RBM26: variants seen among roughly 807,000 people sequenced by gnomAD.
The protein encoded by RBM26 is RNA binding motif protein 26, also known as RNA-binding protein 26.
In RBM26, 30 loss-of-function variants were observed where a neutral mutation model predicts 123.6. The observed-to-expected ratio is 0.24, with a 90% confidence interval of 0.18 to 0.33. RBM26 has a LOEUF of 0.33. Among genes scored for constraint, RBM26 ranks in the 10% least tolerant of loss-of-function variants. RBM26 has a pLI of 1.00. For synonymous variants in RBM26, 400 were observed against 404.4 expected (o/e 0.99, Z 0.13); for missense variants, 947 against 1,203.6 (o/e 0.79, Z 3.15).
chr13:79,378,765 G>C (rs759068474), intron 2 of RBM26, 24 bp downstream of exon 2: 2 of 1,388,626 alleles, frequency 1.4e-6, no homozygotes, highest in Non-Finnish European at 2.0e-6. Flanking sequence ...AAATATAGTA[G>C]TATTTTTAAA....
At position 79,405,821 on chromosome 13, in the gene RBM26, G is replaced by C. The variant is rs769463576; in HGVS notation, c.-47C>G. 5.4e-6 allele frequency: 7 copies of C among 1,300,746 alleles called. No homozygotes were observed. In the Admixed American group the frequency reaches 6.5e-5, roughly 12 times the overall value. 80.6% of individuals were successfully genotyped at this position (1,300,746 alleles called of 1,614,324 possible). ...TCACACTCCTCCGCCCGCCCAGGTC[G>C]CGGCCGCTACAGCCGCCGCTGCCCC... On this transcript the variant is annotated 5_prime_UTR_variant, in exon 1 of 22. Coordinates refer to ENST00000438737, the MANE Select transcript of RBM26 (RefSeq NM_001366735.2).
rs768511717 is a variant in RBM26 at position 79,344,303 on chromosome 13, T to C, written c.2204A>G (p.Gln735Arg). The C allele has an allele frequency of 8.1e-6, 13 of 1,608,948 alleles. No individual in the cohort carries two copies. Among genetic ancestry groups the C allele is most frequent in the Non-Finnish European group, 1.1e-5 (13 of 1,175,682 alleles). Residue 735 changes from glutamine to arginine, a missense_variant, in exon 16 of 22, where the codon CAG (glutamine) becomes CGG (arginine). Gln to Arg is a conservative substitution (Grantham distance 43). This residue lies in a region of RBM26 where 493 missense variants were observed against 563.1 expected (regional missense o/e 0.88). Coordinates refer to ENST00000438737, the MANE Select transcript of RBM26 (RefSeq NM_001366735.2). Reference protein sequence around the residue: ...KKKQEALKLQQDVRKRKQEIL... With the variant: ...KKKQEALKLQRDVRKRKQEIL... ...TTCTTGTTTCCTTTTCCTTACATCCTGCTGAAGTTTCAATGCCTCCTAGAA... is the reference window on the plus strand; with the variant it reads ...TTCTTGTTTCCTTTTCCTTACATCCCGCTGAAGTTTCAATGCCTCCTAGAA...
chr13:79,401,412 T>C (rs2079043163), intron 1 of RBM26, among the ~76,000 whole-genome samples: 1 of 152,198 alleles, frequency 6.6e-6, no homozygotes, highest in African/African-American at 2.4e-5. Context: ...ATTAAGAATA[T>C]GCACACAGCT....
chr13:79,331,727 A>G (rs1442689310), intron 20 of RBM26, among the ~76,000 whole-genome samples: 1 of 152,152 alleles, frequency 6.6e-6, no homozygotes, highest in East Asian at 1.9e-4. Flanking sequence ...AATTATTCCT[A>G]TTCTGAACAG....
At chr13:79,377,286 A>G (rs1415663604) in intron 3 of RBM26, 93 bp downstream of exon 3, 1 of 1,042,900 alleles carries the variant, frequency 9.6e-7, no homozygotes, top group African/African-American at 1.6e-5. Context: ...GGTCCTGAGG[A>G]CTCCAACACA....
chr13:79,322,547 T>A (rs541163418), intron 20 of RBM26, 85 bp from the exon 21 acceptor site: 1 of 824,764 alleles, frequency 1.2e-6, no homozygotes, highest in East Asian at 3.1e-5. Context: ...ACATTAAAAT[T>A]AAAATAGCTA....
Position 79,405,016 on chromosome 13 carries a change from A to G in RBM26, c.71+688T>C, listed in dbSNP as rs933486864. Among the ~76,000 whole-genome samples, 4 of 152,194 alleles carry G rather than the reference A, an allele frequency of 2.6e-5. No individual in the cohort carries two copies. The East Asian group carries it at 7.7e-4, about 29-fold the overall frequency. ...ATATTTTGTATTAACAAGTCGTCAA[A>G]ACACTCCTTAAATTTTCCAATCTAA... On this transcript the variant is annotated intron_variant, in intron 1 of 21. Coordinates refer to ENST00000438737, the MANE Select transcript of RBM26 (RefSeq NM_001366735.2).
intron 11 of RBM26, among the ~76,000 whole-genome samples, chr13:79,356,689 A>C (rs1295988173): frequency 4.6e-5 from 7 of 152,316 alleles, no homozygotes; most frequent in African/African-American, 1.7e-4. Context: ...CACTATGTTT[A>C]ATTAGCATGA....
chr13:79,329,754 T>C (rs934434716), intron 20 of RBM26, among the ~76,000 whole-genome samples: 2 of 152,132 alleles, frequency 1.3e-5, no homozygotes, highest in Non-Finnish European at 2.9e-5. Context: ...GATCCTTATT[T>C]TTAAAAAGTA....
At chr13:79,339,092 TA>T (rs1303649393) in intron 18 of RBM26, among the ~76,000 whole-genome samples, 1 of 152,196 alleles carries the variant, frequency 6.6e-6, no homozygotes, top group Non-Finnish European at 1.5e-5. Flanking sequence ...TCAAGACAGT[TA>T]ATCTTAGCAT....
At chr13:79,317,000 TA>T (rs1307346782), downstream of RBM26, among the ~76,000 whole-genome samples, 1 of 151,352 alleles carries the variant, frequency 6.6e-6, no homozygotes, top group Non-Finnish European at 1.5e-5. Context: ...TAAAAAAGAG[TA>T]AACTGAGATG....
At chr13:79,314,591 A>C, downstream of RBM26, 1 of 152,120 alleles carries the variant, frequency 6.6e-6, no homozygotes, top group Non-Finnish European at 1.5e-5. Flanking sequence ...TTTTTAATTC[A>C]TTTTCATTTT....
In RBM26 at chr13:79,337,249, T is replaced by C. The variant is rs749845479; in HGVS notation, c.2586A>G (p.Arg862=). 1.2e-6 allele frequency: 2 copies of C among 1,614,114 alleles called. No homozygotes were observed. Among genetic ancestry groups the C allele is most frequent in the East Asian group, 2.2e-5 (1 of 44,872 alleles). The change falls in exon 19 of 22, where the codon AGA becomes AGG. Residue 862 remains arginine, a synonymous_variant. Transcript: ENST00000438737. ...SSGRGRGIHS[R]GRGAVHGRGR... ...CTCGGCCATGAACTGCACCTCGACC[T>C]CTTGAATGAATTCCTCTGCCCCGAC...
rs773427496 is a variant in RBM26, at chr13:79,342,776, T to C, written c.2315A>G (p.Glu772Gly). Residue 772 changes from glutamate (E) to glycine (G), a missense_variant, in exon 17 of 22, where the codon GAA (glutamate) becomes GGA (glycine). Glu to Gly is a moderately conservative substitution (Grantham distance 98). Transcript: ENST00000438737. ...CAAAACCTCTAAAGTTTTCATTATT[T>C]CTGCTTTATCTTCAGACTTCATTGT... ...NKTMKSEDKAEIMKTLEVLTK... is the reference protein window; with the variant it reads ...NKTMKSEDKAGIMKTLEVLTK... 2.5e-5 allele frequency: 41 copies of C among 1,609,440 alleles called. No homozygotes were observed.
At chr13:79,400,728 A>G (rs778567692) in intron 1 of RBM26, among the ~76,000 whole-genome samples, 5 of 152,216 alleles carry the variant, frequency 3.3e-5, no homozygotes, top group Non-Finnish European at 5.9e-5. Context: ...CAAGTAAGTT[A>G]AAAAGGTGGC....
chr13:79,331,055 G>A (rs1220531303), intron 20 of RBM26, among the ~76,000 whole-genome samples: 2 of 114,274 alleles, frequency 1.8e-5, no homozygotes, highest in Non-Finnish European at 3.9e-5. Context: ...CTGTCGCCCA[G>A]GCTGAAGCAC....
At chr13:79,369,226 C>T (rs1163530351) in intron 5 of RBM26, among the ~76,000 whole-genome samples, 1 of 151,978 alleles carries the variant, frequency 6.6e-6, no homozygotes, top group Non-Finnish European at 1.5e-5. Context: ...AATGTTTTTC[C>T]TTAGAGTTTT....
At chr13:79,316,721 G>C (rs545784832), downstream of RBM26, among the ~76,000 whole-genome samples, 1 of 151,910 alleles carries the variant, frequency 6.6e-6, no homozygotes, top group Admixed American at 6.6e-5. Context: ...TGCTTAAGTA[G>C]AGACACAAAA....
intron 14 of RBM26, among the ~76,000 whole-genome samples, chr13:79,352,050 T>C (rs1249791322): frequency 6.6e-6 from 1 of 152,144 alleles, no homozygotes; most frequent in Non-Finnish European, 1.5e-5. Context: ...ATATAGGAAA[T>C]AATGAATTCA....
Sources: gnomAD v4.1 joint callset for allele counts (sites outside exome capture counted in the v4.1 genomes callset) on GRCh38, gnomAD v4.1.1 for gene constraint, gnomAD v4.1.1 regional missense constraint, MANE v1.5 for transcripts, NCBI Gene and HGNC (gene_info 2026-07-23, HGNC 2026-07-21) for gene names.